The following ZNFX1 variants were observed in gnomAD, a reference collection of about 807,000 sequenced individuals.
ZNFX1 encodes the protein zinc finger NFX1-type containing 1.
A neutral mutation model predicts 179.8 loss-of-function variants in ZNFX1; 78 were observed. The observed-to-expected ratio is 0.43, with a 90% CI of 0.36 to 0.52. The LOEUF (loss-of-function observed/expected upper bound fraction) is 0.52. Ranked by LOEUF, ZNFX1 falls within the 20% of genes least tolerant of loss-of-function variation. The probability of loss-of-function intolerance (pLI) is 0.00; values close to 1 mark genes in which losing one functional copy is unlikely to be tolerated. For missense variants in ZNFX1, 1,927 were observed against 2,386.6 expected, an observed-to-expected ratio of 0.81 and a Z score of 4.01; for synonymous variants, 848 against 868.5, an observed-to-expected ratio of 0.98 and a Z score of 0.42.
chr20:49,261,978 C>G (rs1029128755), intron 6 of ZNFX1, among the ~76,000 whole-genome samples: 2 of 151,130 alleles, frequency 1.3e-5, no homozygotes, highest in South Asian at 2.1e-4. Flanking sequence ...CGTAACAAAC[C>G]TGCACACGTA....
chr20:49,275,338 CT>C (rs202055135), intron 2 of ZNFX1, among the ~76,000 whole-genome samples: 2,376 of 144,946 alleles, frequency 0.016, 60 homozygotes, highest in South Asian at 0.074. Context: ...ATAACTCATT[CT>C]TTTTTTTTTT....
In ZNFX1 at chr20:49,248,530, C is replaced by T. The variant is rs755494403; in HGVS notation, c.4494G>A (p.Gln1498=). The change falls in exon 14 of 14, where the codon CAG becomes CAA. Residue 1498 remains glutamine (Q), a synonymous_variant. Coordinates refer to ENST00000396105, the MANE Select transcript of ZNFX1 (RefSeq NM_021035.3). This position sits in a 1 kb window ranked among gnomAD's most constrained non-coding sequence, Gnocchi z 4.6. The stretch of plus-strand genomic sequence containing the variant: ...ACAGCTCCCCACATTTCTTCTTGCA[C>T]TGGCTGTGGACACAGCGGTTCTGAC... ...RTCQNRCVHS[Q]CKKKCGELCS... 9.3e-6 allele frequency: 15 copies of T among 1,614,100 alleles called. No homozygotes were observed. The highest frequency in any genetic ancestry group is 1.7e-5 in the Admixed American group (1 of 60,006).
At position 49,270,988 on chromosome 20, in the gene ZNFX1, G is replaced by A. The variant is rs1289749425; in HGVS notation, c.824C>T (p.Thr275Ile). ...ETSMLVSLLP[T>I]SLNALRASGV... Reference sequence around the variant, plus strand: ...AGAGGCTCTCAGAGCATTAAGAGAGGTTGGCAGGAGGGAAACCAGCATGGA... The same window carrying A: ...AGAGGCTCTCAGAGCATTAAGAGAGATTGGCAGGAGGGAAACCAGCATGGA... The change falls in exon 3 of 14, where the codon ACC becomes ATC. Residue 275 changes from threonine to isoleucine, a missense_variant. Thr to Ile is a moderately conservative substitution (Grantham distance 89). Transcript: ENST00000396105. The surrounding 1 kb of genome is among the most constrained non-coding windows in gnomAD (Gnocchi z 4.6). 1 of 1,614,130 alleles carries A rather than the reference G, an allele frequency of 6.2e-7. No homozygotes were observed.
In ZNFX1 at chr20:49,271,005, C is replaced by T. The variant is rs149307736; in HGVS notation, c.807G>A (p.Leu269=). The T allele has an allele frequency of 4.0e-5, 64 of 1,614,132 alleles. No homozygotes were observed. In the African/African-American group the frequency reaches 6.8e-4, roughly 17 times the overall value. The change falls in exon 3 of 14, where the codon CTG becomes CTA. Residue 269 remains leucine, a synonymous_variant. Coordinates refer to ENST00000396105, the MANE Select transcript of ZNFX1 (RefSeq NM_021035.3). The part of the protein sequence containing the change: ...PASSVQETSM[L]VSLLPTSLNA... ...TAAGAGAGGTTGGCAGGAGGGAAAC[C>T]AGCATGGAAGTTTCCTGCACAGAGC...
At chr20:49,254,448 A>G in intron 10 of ZNFX1, 47 bp downstream of exon 10, 1 of 1,604,586 alleles carries the variant, frequency 6.2e-7, no homozygotes, top group Non-Finnish European at 8.5e-7. Flanking sequence ...ATCTGGCACC[A>G]GAAGTGAACT....
chr20:49,250,336 T>G (rs546567684), intron 13 of ZNFX1, among the ~76,000 whole-genome samples: 16 of 152,264 alleles, frequency 1.1e-4, no homozygotes, highest in South Asian at 4.2e-4. Flanking sequence ...GTGAGGAGGA[T>G]GATGATAATG....
Position 49,263,318 on chromosome 20 carries a change from C to T in ZNFX1, c.2301+16G>A, listed in dbSNP as rs1362653181. 6.2e-7 allele frequency: 1 copy of T among 1,611,414 alleles called. No individual in the cohort carries two copies. The highest frequency in any genetic ancestry group is 1.7e-5 in the Admixed American group (1 of 59,974). ...GAGGCCAGAGACATATTTGTGTCCC[C>T]CAGGATGACCCCTACCTGCACTGGT... On this transcript the variant is annotated intron_variant, in intron 6 of 13. Coordinates refer to ENST00000396105, the MANE Select transcript of ZNFX1 (RefSeq NM_021035.3).
chr20:49,256,589 G>A (rs998830977), intron 8 of ZNFX1, among the ~76,000 whole-genome samples: 5 of 152,190 alleles, frequency 3.3e-5, no homozygotes, highest in African/African-American at 9.7e-5. Flanking sequence ...TAGAAGGCTC[G>A]CAAGTCAGAC....
rs1388040646 is a variant in ZNFX1 at position 49,249,304 on chromosome 20, C to T, written c.3720G>A (p.Val1240=). 2 of 1,614,246 alleles carry T rather than the reference C, an allele frequency of 1.2e-6. No individual in the cohort carries two copies. Among genetic ancestry groups the T allele is most frequent in the Non-Finnish European group, 1.7e-6 (2 of 1,180,046 alleles). ...TATGAATGATCTTGCTCCACAGGGG[C>T]ACCTTGGCCAGCATCTGCATGTTTC... The part of the protein sequence containing the change: ...CIGNMQMLAK[V]PLWSKIIHTL... Residue 1240 remains valine, a synonymous_variant, in exon 14 of 14, where the codon GTG becomes GTA. Coordinates refer to ENST00000396105, the MANE Select transcript of ZNFX1 (RefSeq NM_021035.3).
At chr20:49,266,861 G>A (rs1275521473) in intron 3 of ZNFX1, among the ~76,000 whole-genome samples, 1 of 151,964 alleles carries the variant, frequency 6.6e-6, no homozygotes, top group Non-Finnish European at 1.5e-5. Flanking sequence ...ATTAGTAAAT[G>A]GCCATTAATT....
intron 2 of ZNFX1, among the ~76,000 whole-genome samples, chr20:49,275,475 T>C (rs1981533168): frequency 2.0e-5 from 3 of 152,204 alleles, no homozygotes; most frequent in Admixed American, 6.5e-5. Flanking sequence ...GCCTCCCAAG[T>C]AGCCTAAGTA....
chr20:49,254,846 AG>A (rs1407775573), intron 9 of ZNFX1, among the ~76,000 whole-genome samples, 197 bp from the exon 10 acceptor site: 2 of 152,192 alleles, frequency 1.3e-5, no homozygotes, highest in East Asian at 3.8e-4. Flanking sequence ...AGCTAAGGAA[AG>A]GGGTGAGATA....
At chr20:49,277,352 G>A (rs1276792287) in intron 1 of ZNFX1, among the ~76,000 whole-genome samples, 1 of 151,672 alleles carries the variant, frequency 6.6e-6, no homozygotes, top group Non-Finnish European at 1.5e-5. Flanking sequence ...GGGGTTATGG[G>A]GGCCTTGGGG....
intron 4 of ZNFX1, 151 bp from the exon 5 acceptor site, chr20:49,265,015 C>T (rs1393693577): frequency 6.9e-6 from 7 of 1,014,928 alleles, no homozygotes; most frequent in East Asian, 2.5e-5. Flanking sequence ...GTGAGAAGGT[C>T]CCCGAGAAGA....
chr20:49,270,196 C>T lies in ZNFX1; in HGVS notation c.1616G>A (p.Cys539Tyr). 2 of 1,614,062 alleles carry T rather than the reference C, an allele frequency of 1.2e-6. No individual in the cohort carries two copies. The highest frequency in any genetic ancestry group is 1.7e-6 in the Non-Finnish European group (2 of 1,180,032). ...DVPFQRNIVE[C>Y]NSHVKEPRYL... Reference sequence around the variant, plus strand: ...CCTTGGCTCCTTCACATGAGAGTTACACTCCACGATATTCCTCTGGAAGGG... The same window carrying T: ...CCTTGGCTCCTTCACATGAGAGTTATACTCCACGATATTCCTCTGGAAGGG... Residue 539 changes from cysteine (C) to tyrosine (Y), a missense_variant, in exon 3 of 14, where the codon TGT (cysteine) becomes TAT (tyrosine). Physicochemically the swap from Cys to Tyr is radical, Grantham distance 194. Coordinates refer to ENST00000396105, the MANE Select transcript of ZNFX1 (RefSeq NM_021035.3). This position sits in a 1 kb window ranked among gnomAD's most constrained non-coding sequence, Gnocchi z 4.6.
intron 4 of ZNFX1, 54 bp from the exon 5 acceptor site, chr20:49,264,918 C>G (rs1309601841): frequency 2.5e-6 from 4 of 1,612,484 alleles, no homozygotes; most frequent in Non-Finnish European, 3.4e-6. Context: ...GCTAGGTTCT[C>G]TCAGGTGAGA....
chr20:49,258,576 T>C (rs1427969225), intron 7 of ZNFX1, among the ~76,000 whole-genome samples: 2 of 151,842 alleles, frequency 1.3e-5, no homozygotes, highest in African/African-American at 4.8e-5. Flanking sequence ...GAGGCTGAGG[T>C]GGGTGGATCA....
In ZNFX1 at chr20:49,260,475, G is replaced by C. The variant is rs1002439459; in HGVS notation, c.2404C>G (p.Pro802Ala). 1 of 1,612,188 alleles carries C rather than the reference G, an allele frequency of 6.2e-7. No individual in the cohort carries two copies. Among genetic ancestry groups the C allele is most frequent in the African/African-American group, 1.3e-5 (1 of 74,834 alleles). ...ATGCACTTCTTACCTGTATTCTCAG[G>C]TCCTGCTGGAGAAACACTTTGCGTG... is the stretch of plus-strand genomic sequence containing the variant. ...SFTQSVSPAG[P>A]ENTAQAEGDE... Residue 802 changes from proline to alanine, a missense_variant, in exon 7 of 14, where the codon CCT becomes GCT. Coordinates refer to ENST00000396105, the MANE Select transcript of ZNFX1 (RefSeq NM_021035.3).
Position 49,248,263 on chromosome 20 carries a change from C to T in ZNFX1, c.4761G>A (p.Gln1587=). Residue 1587 remains glutamine, a synonymous_variant, in exon 14 of 14, where the codon CAG becomes CAA. Coordinates refer to ENST00000396105, the MANE Select transcript of ZNFX1 (RefSeq NM_021035.3). The surrounding 1 kb of genome is among the most constrained non-coding windows in gnomAD (Gnocchi z 4.6). ...FEDEPDARFV[Q]LEDCSHIFEV... is the part of the protein sequence containing the mutation. ...CAAAGATGTGGCTGCAGTCTTCCAG[C>T]TGCACAAAGCGGGCATCAGGCTCAT... 2.5e-6 allele frequency: 4 copies of T among 1,614,176 alleles called. No individual in the cohort carries two copies. In the East Asian group the frequency reaches 8.9e-5, roughly 36 times the overall value.
Sources: gnomAD v4.1 joint callset for allele counts (sites outside exome capture counted in the v4.1 genomes callset) on GRCh38, gnomAD v4.1.1 for gene constraint, Gnocchi (gnomAD v3.1) non-coding constraint, MANE v1.5 for transcripts, NCBI Gene and HGNC (gene_info 2026-07-23, HGNC 2026-07-21) for gene names.